The following C2CD3 variants were observed in gnomAD, a reference collection of about 807,000 sequenced individuals.
The protein encoded by C2CD3 is C2 domain-containing protein 3.
Under a neutral mutation model 234.0 loss-of-function variants are expected in C2CD3, and 148 were observed. The observed-to-expected ratio is 0.63, with a 90% CI of 0.55 to 0.72. The LOEUF (loss-of-function observed/expected upper bound fraction) is 0.72. Ranked by LOEUF, C2CD3 falls within the 30% of genes least tolerant of loss-of-function variation. The pLI, the probability that C2CD3 is intolerant of heterozygous loss-of-function variation, is 0.00. For missense variants in C2CD3, 2,577 were observed against 2,811.5 expected (o/e 0.92, Z 1.89); for synonymous variants, 1,000 against 1,035.4 (o/e 0.97, Z 0.66).
At chr11:74,023,164 GGAGTGAAA>G (rs1200193334) in intron 32 of C2CD3, among the ~76,000 whole-genome samples, 3 of 152,214 alleles carry the variant, frequency 2.0e-5, no homozygotes, top group African/African-American at 7.2e-5. Context: ...ATTTCAGTGT[GGAGTGAAA>G]GATCAGGTCT....
chr11:74,170,248 C>A (rs2135580706), intron 1 of C2CD3, among the ~76,000 whole-genome samples: 1 of 152,164 alleles, frequency 6.6e-6, no homozygotes, highest in South Asian at 2.1e-4. Flanking sequence ...TTTCCCAACT[C>A]CTGCTCATAG....
intron 9 of C2CD3, 36 bp from the exon 10 acceptor site, chr11:74,114,629 C>CTTG: frequency 1.5e-6 from 2 of 1,301,770 alleles, no homozygotes; most frequent in Non-Finnish European, 2.2e-6. Flanking sequence ...AGGCATACTG[C>CTTG]TACAGGCTTC....
chr11:74,103,142 T>TA lies in C2CD3; in HGVS notation c.2568dup (p.Asn857Ter). The TA allele has an allele frequency of 6.2e-7, 1 of 1,610,376 alleles. No individual in the cohort carries two copies. Among genetic ancestry groups the TA allele is most frequent in the Non-Finnish European group, 8.5e-7 (1 of 1,177,260 alleles). ...ATGTACAAAGTTACCTGAGAAAAGT[T>TA]AAAGACCGGTTGTGTTGTGCCCCAT... On this transcript the variant is annotated frameshift_variant, in exon 14 of 33. Coordinates refer to ENST00000334126, the MANE Select transcript of C2CD3 (RefSeq NM_001286577.2). LOFTEE classifies it high-confidence loss of function.
In C2CD3 at chr11:74,133,568, T is replaced by A; in HGVS notation, c.956-11A>T. 1.2e-6 allele frequency: 2 copies of A among 1,613,536 alleles called. No homozygotes were observed. Among genetic ancestry groups the A allele is most frequent in the Non-Finnish European group, 1.7e-6 (2 of 1,179,798 alleles). ...CTTGTTCTAACAGAGCTGAAGAGGG[T>A]AAATGCAGAAAACAGAAAAATCCAA... On this transcript the variant is annotated splice_polypyrimidine_tract_variant and intron_variant, in intron 5 of 32. Coordinates refer to ENST00000334126, the MANE Select transcript of C2CD3 (RefSeq NM_001286577.2).
chr11:74,028,511 ATT>A (rs1952397410), intron 31 of C2CD3, 113 bp from the exon 32 acceptor site: 3 of 674,218 alleles, frequency 4.4e-6, no homozygotes, highest in Non-Finnish European at 7.4e-6. Context: ...TCCCTCAACT[ATT>A]CTTGTCCATA....
At chr11:74,052,571 T>A (rs1953749132) in intron 26 of C2CD3, among the ~76,000 whole-genome samples, 1 of 152,156 alleles carries the variant, frequency 6.6e-6, no homozygotes, top group Non-Finnish European at 1.5e-5. Flanking sequence ...ATCTCTGTGG[T>A]ACTTTAGAGA....
intron 5 of C2CD3, among the ~76,000 whole-genome samples, chr11:74,135,251 A>T (rs941748236): frequency 3.3e-5 from 5 of 151,890 alleles, no homozygotes; most frequent in Admixed American, 3.3e-4. Flanking sequence ...AGGATTTTGC[A>T]GATGTAATTA....
chr11:74,166,207 G>C (rs1856795347), intron 2 of C2CD3, among the ~76,000 whole-genome samples: 1 of 151,886 alleles, frequency 6.6e-6, no homozygotes, highest in Non-Finnish European at 1.5e-5. Flanking sequence ...CTACTCAGGA[G>C]GCTGAGGCAG....
chr11:74,098,260 A>T lies in C2CD3; in HGVS notation c.2733-5T>A, dbSNP rs1181011274. 6.2e-7 allele frequency: 1 copy of T among 1,612,258 alleles called. No homozygotes were observed. The highest frequency in any genetic ancestry group is 1.1e-5 in the South Asian group (1 of 90,930). ...AGGCGAGAAATCTTAGCATCTCTAG[A>T]GGGGGAGAAATTGTGAATAAGCAAA... On this transcript the variant is annotated splice_region_variant and splice_polypyrimidine_tract_variant and intron_variant, in intron 15 of 32. Transcript: ENST00000334126.
chr11:74,167,150 G>A (rs576579377), intron 2 of C2CD3, among the ~76,000 whole-genome samples: 1 of 152,314 alleles, frequency 6.6e-6, no homozygotes, highest in South Asian at 2.1e-4. Flanking sequence ...CAATGTAAAT[G>A]TTCGGATGCC....
intron 11 of C2CD3, among the ~76,000 whole-genome samples, chr11:74,112,920 T>A (rs529752212): frequency 6.6e-6 from 1 of 152,214 alleles, no homozygotes; most frequent in Non-Finnish European, 1.5e-5. Flanking sequence ...AGTTACCATA[T>A]GACCCAGCAA....
intron 20 of C2CD3, among the ~76,000 whole-genome samples, chr11:74,087,461 G>A (rs948923769): frequency 2.0e-5 from 3 of 152,022 alleles, no homozygotes; most frequent in Non-Finnish European, 4.4e-5. Flanking sequence ...GCTACTCAGA[G>A]GCTGAGTCAG....
chr11:74,034,940 C>A (rs1327332332), intron 30 of C2CD3, among the ~76,000 whole-genome samples: 1 of 152,226 alleles, frequency 6.6e-6, no homozygotes, highest in Non-Finnish European at 1.5e-5. Context: ...AAGAAATGGG[C>A]ATACACTGTG....
chr11:74,139,892 C>T, intron 3 of C2CD3, 64 bp from the exon 4 acceptor site: 5 of 920,174 alleles, frequency 5.4e-6, no homozygotes, highest in Non-Finnish European at 9.0e-6. Flanking sequence ...TTTAAGACTC[C>T]CCTGCTTAAT....
At chr11:74,067,057 C>A (rs1192511517) in intron 24 of C2CD3, among the ~76,000 whole-genome samples, 1 of 152,174 alleles carries the variant, frequency 6.6e-6, no homozygotes, top group Non-Finnish European at 1.5e-5. Context: ...AACAGCATTT[C>A]TGTTCCCAAA....
chr11:74,056,838 T>G (rs2135438567), intron 25 of C2CD3, among the ~76,000 whole-genome samples: 2 of 152,300 alleles, frequency 1.3e-5, no homozygotes, highest in South Asian at 4.1e-4. Context: ...ACTTCTAGGT[T>G]GTCCTAAATA....
intron 3 of C2CD3, among the ~76,000 whole-genome samples, chr11:74,153,825 G>C (rs1855838865): frequency 6.6e-6 from 1 of 151,804 alleles, no homozygotes; most frequent in Admixed American, 6.6e-5. Flanking sequence ...GCTATCCTAA[G>C]GACAGAAATT....
intron 24 of C2CD3, among the ~76,000 whole-genome samples, chr11:74,068,844 C>T (rs1408847893): frequency 2.6e-5 from 4 of 152,284 alleles, no homozygotes; most frequent in Non-Finnish European, 4.4e-5. Flanking sequence ...CTCACTCTGT[C>T]GCCCAGGCTG....
At position 74,100,630 on chromosome 11, in the gene C2CD3, T is replaced by G. The variant is rs1353873940; in HGVS notation, c.2627A>C (p.Asn876Thr). The change falls in exon 15 of 33, where the codon AAC (asparagine) becomes ACC (threonine). Residue 876 changes from asparagine (N) to threonine (T), a missense_variant. Transcript: ENST00000334126. ...CCAAGTTTCAATTACCATCACATTG[T>G]TCTTAAGCCTTTCCAGGTATTTGGA... ...LSSKYLERLK[N>T]NVMVIETWNK... 1 of 1,614,044 alleles carries G rather than the reference T, an allele frequency of 6.2e-7. No homozygotes were observed. The highest frequency in any genetic ancestry group is 1.1e-5 in the South Asian group (1 of 91,074).
Sources: allele counts gnomAD v4.1 joint callset (sites outside exome capture counted in the v4.1 genomes callset), GRCh38; gene constraint gnomAD v4.1.1; transcripts MANE v1.5; gene names NCBI Gene and HGNC (gene_info 2026-07-23, HGNC 2026-07-21).